LRRC39: variants seen among roughly 807,000 people sequenced by gnomAD.
The protein encoded by LRRC39 is leucine rich repeat containing 39.
LRRC39 carries 35 observed loss-of-function variants against 39.7 expected under a neutral mutation model. That is an observed-to-expected ratio of 0.88 (90% CI 0.67 to 1.17). The LOEUF (loss-of-function observed/expected upper bound fraction) is 1.17, where lower values mean the gene tolerates loss of function less well. LRRC39 is among the 50% of genes most tolerant of loss of function. The probability of loss-of-function intolerance (pLI) is 0.00; values close to 1 mark genes in which losing one functional copy is unlikely to be tolerated. For synonymous variants in LRRC39, 113 were observed against 134.1 expected, an observed-to-expected ratio of 0.84 and a Z score of 1.09; for missense variants, 357 against 385.8, an observed-to-expected ratio of 0.93 and a Z score of 0.62.
intron 3 of LRRC39, among the ~76,000 whole-genome samples, chr1:100,168,079 ATGT>A (rs1438604555): frequency 2.0e-5 from 3 of 152,014 alleles, no homozygotes; most frequent in Non-Finnish European, 4.4e-5. Flanking sequence ...CTACTGTCAA[ATGT>A]TGTTTTAGGT....
chr1:100,168,406 G>A lies in LRRC39; in HGVS notation c.111C>T (p.His37=). 1 of 1,595,524 alleles carries A rather than the reference G, an allele frequency of 6.3e-7. No individual in the cohort carries two copies. Among genetic ancestry groups the A allele is most frequent in the Non-Finnish European group, 8.6e-7 (1 of 1,168,664 alleles). The change falls in exon 3 of 10, where the codon CAC becomes CAT. Residue 37 remains histidine (H), a splice_region_variant and synonymous_variant. Transcript: ENST00000370137. ...EDLKREKEFQ[H]KLVRIWEERV... is the part of the protein sequence containing the mutation. The stretch of plus-strand genomic sequence containing the variant: ...ATAATAAATATGTTTTAGCATACTT[G>A]TGTTGAAATTCCTTCTCTCGCTTCA...
In LRRC39 at chr1:100,148,598, T is replaced by C. The variant is rs1193831232; in HGVS notation, c.*444A>G. The C allele has an allele frequency of 6.3e-7, 1 of 1,575,954 alleles. No individual in the cohort carries two copies. Among genetic ancestry groups the C allele is most frequent in the Non-Finnish European group, 8.6e-7 (1 of 1,165,906 alleles). ...ATAAACTTTTGCAAAATTTTAACAA[T>C]GTTTTGTGTGTGTTTATTCAATTTA... On this transcript the variant is annotated 3_prime_UTR_variant, in exon 10 of 10. Coordinates refer to ENST00000370137, the MANE Select transcript of LRRC39 (RefSeq NM_144620.4).
chr1:100,159,166 G>C (rs1339704360), intron 5 of LRRC39, 93 bp downstream of exon 5: 2 of 1,082,646 alleles, frequency 1.8e-6, no homozygotes, highest in Admixed American at 2.6e-5. Context: ...GCTGTATAAA[G>C]AGGTCTTTAT....
At position 100,162,183 on chromosome 1, in the gene LRRC39, A is replaced by G. The variant is rs545106140; in HGVS notation, c.114-1612T>C. Among the ~76,000 whole-genome samples, 177 of 152,302 alleles carry G rather than the reference A, an allele frequency of 1.2e-3. 1 individual carries two copies. Among genetic ancestry groups the G allele is most frequent in the Non-Finnish European group, 2.0e-3 (136 of 68,040 alleles). On this transcript the variant is annotated intron_variant, in intron 3 of 9. Transcript: ENST00000370137. Reference sequence around the variant, plus strand: ...TTAATAGACTTTGTAATGGCTTGCAAAGAATACAGTTCAACTTCAGAATTC... The same window carrying G: ...TTAATAGACTTTGTAATGGCTTGCAGAGAATACAGTTCAACTTCAGAATTC...
At position 100,156,254 on chromosome 1, in the gene LRRC39, G is replaced by C; in HGVS notation, c.577C>G (p.Leu193Val). 1 of 1,614,062 alleles carries C rather than the reference G, an allele frequency of 6.2e-7. No individual in the cohort carries two copies. The highest frequency in any genetic ancestry group is 1.3e-5 in the African/African-American group (1 of 75,062). The change falls in exon 7 of 10, where the codon CTT becomes GTT. Residue 193 changes from leucine to valine, a missense_variant. Physicochemically the swap from Leu to Val is conservative, Grantham distance 32 (BLOSUM62 1). Coordinates refer to ENST00000370137, the MANE Select transcript of LRRC39 (RefSeq NM_144620.4). ...LSMNDFTTIP[L>V]AVLNMPALEW... is the part of the protein sequence containing the mutation. Reference sequence around the variant, plus strand: ...AGGGCAGGCATGTTCAACACAGCAAGAGGGATTGTAGTAAAATCGTTCATA... The same window carrying C: ...AGGGCAGGCATGTTCAACACAGCAACAGGGATTGTAGTAAAATCGTTCATA...
chr1:100,159,408 G>A lies in LRRC39; in HGVS notation c.227C>T (p.Pro76Leu). Residue 76 changes from proline to leucine, a missense_variant, in exon 5 of 10, where the codon CCT (proline) becomes CTT (leucine). Pro to Leu is a moderately conservative substitution (Grantham distance 98). Coordinates refer to ENST00000370137, the MANE Select transcript of LRRC39 (RefSeq NM_144620.4). The part of the protein sequence containing the change: ...KIEKEEWKTL[P>L]SSLLKLNQLQ... ...TTGATTCAGTTTCAGCAGAGAAGAAGGGAGGGTCTACAGTAAAAGAAATGA... is the reference window on the plus strand; with the variant it reads ...TTGATTCAGTTTCAGCAGAGAAGAAAGGAGGGTCTACAGTAAAAGAAATGA... The A allele has an allele frequency of 1.2e-6, 2 of 1,605,490 alleles. No homozygotes were observed. Among genetic ancestry groups the A allele is most frequent in the Non-Finnish European group, 1.7e-6 (2 of 1,176,232 alleles).
In LRRC39 at chr1:100,148,933, T is replaced by G; in HGVS notation, c.*109A>C. 1 of 1,155,560 alleles carries G rather than the reference T, an allele frequency of 8.7e-7. No homozygotes were observed. Among genetic ancestry groups the G allele is most frequent in the Non-Finnish European group, 1.2e-6 (1 of 862,678 alleles). The allele number at this position is 1,155,560 out of a possible 1,614,324, so 71.6% of individuals were successfully genotyped here. A position where few individuals can be genotyped will look rare whatever the true frequency, so the allele number is the denominator to read the frequency against. Reference sequence around the variant, plus strand: ...AGCAAATAATATGAACTTTAAAAAATGCTGTGGCCTCATTAAACTTTGGTA... The same window carrying G: ...AGCAAATAATATGAACTTTAAAAAAGGCTGTGGCCTCATTAAACTTTGGTA... On this transcript the variant is annotated 3_prime_UTR_variant, in exon 10 of 10. Coordinates refer to ENST00000370137, the MANE Select transcript of LRRC39 (RefSeq NM_144620.4).
At chr1:100,177,339 A>G (rs1660034530) in intron 1 of LRRC39, among the ~76,000 whole-genome samples, 1 of 152,228 alleles carries the variant, frequency 6.6e-6, no homozygotes, top group African/African-American at 2.4e-5. Context: ...GATTTTTTAA[A>G]CTAATATTAT....
At position 100,168,488 on chromosome 1, in the gene LRRC39, G is replaced by T; in HGVS notation, c.29C>A (p.Ala10Asp). The change falls in exon 3 of 10, where the codon GCT becomes GAT. Residue 10 changes from alanine (A) to aspartate (D), a missense_variant. By Grantham distance (126) the Ala-to-Asp change is moderately radical (BLOSUM62 -2). Coordinates refer to ENST00000370137, the MANE Select transcript of LRRC39 (RefSeq NM_144620.4). MTENVVCTGAVNAVKEVWEK... is the reference protein window; with the variant it reads MTENVVCTGDVNAVKEVWEK... ...CCAAACTTCCTTTACAGCATTGACA[G>T]CCCCAGTACAAACCACATTTTCTGT... The T allele has an allele frequency of 6.2e-7, 1 of 1,611,810 alleles. No individual in the cohort carries two copies. The highest frequency in any genetic ancestry group is 8.5e-7 in the Non-Finnish European group (1 of 1,179,380).
intron 1 of LRRC39, among the ~76,000 whole-genome samples, chr1:100,176,096 T>C (rs1039133925): frequency 6.6e-6 from 1 of 152,154 alleles, no homozygotes; most frequent in Non-Finnish European, 1.5e-5. Context: ...CCAGCAATGT[T>C]TTACATGATA....
chr1:100,170,875 C>A (rs1308438391), intron 2 of LRRC39, among the ~76,000 whole-genome samples: 1 of 152,074 alleles, frequency 6.6e-6, no homozygotes, highest in Non-Finnish European at 1.5e-5. Context: ...CCATGTCTGG[C>A]TAATCAATTA....
intron 9 of LRRC39, among the ~76,000 whole-genome samples, chr1:100,151,436 A>G (rs1454052629): frequency 6.6e-6 from 1 of 152,186 alleles, no homozygotes; most frequent in Non-Finnish European, 1.5e-5. Context: ...ACCTTGCTGC[A>G]ATAAATCTAA....
intron 4 of LRRC39, among the ~76,000 whole-genome samples, chr1:100,160,250 T>G (rs1443583111): frequency 2.0e-5 from 3 of 152,170 alleles, no homozygotes; most frequent in Admixed American, 2.0e-4. Flanking sequence ...TCACAAATGA[T>G]TTAGGTTTAG....
At chr1:100,155,971 T>A (rs1326932577) in intron 7 of LRRC39, among the ~76,000 whole-genome samples, 3 of 152,192 alleles carry the variant, frequency 2.0e-5, no homozygotes, top group Non-Finnish European at 1.5e-5. Context: ...GTGGATCACT[T>A]GAAAAAAGCC....
At chr1:100,151,092 G>A (rs1019447253) in intron 9 of LRRC39, among the ~76,000 whole-genome samples, 1 of 130,610 alleles carries the variant, frequency 7.7e-6, no homozygotes, top group Non-Finnish European at 1.5e-5. Flanking sequence ...TTGCACCATT[G>A]CACTCTAGCC....
chr1:100,165,835 T>G (rs1659195782), intron 3 of LRRC39, among the ~76,000 whole-genome samples: 1 of 151,310 alleles, frequency 6.6e-6, no homozygotes, highest in Admixed American at 6.6e-5. Context: ...TCATTCTCTC[T>G]CCCAAGATCT....
In LRRC39 at chr1:100,160,750, G is replaced by A. The variant is rs191211962; in HGVS notation, c.114-179C>T. ...AGTGATTCTCCTGCCTCAGACTCCC[G>A]AGTAGCCAGGATTACAGGCGTCCAC... On this transcript the variant is annotated intron_variant, in intron 3 of 9. Transcript: ENST00000370137. Among the ~76,000 whole-genome samples, 284 of 149,178 alleles carry A rather than the reference G, an allele frequency of 1.9e-3. 2 individuals carry two copies. Among genetic ancestry groups the A allele is most frequent in the Non-Finnish European group, 3.3e-4 (22 of 67,500 alleles).
intron 9 of LRRC39, chr1:100,150,520 A>ATTCTTGGGTGTGT (rs1657886719): frequency 2.6e-5 from 4 of 152,330 alleles, no homozygotes; most frequent in Middle Eastern, 3.4e-3. Context: ...ATGTTTGATA[A>ATTCTTGGGTGTGT]AATATACATA....
At chr1:100,177,540 A>G (rs1660048943) in intron 1 of LRRC39, among the ~76,000 whole-genome samples, 2 of 152,248 alleles carry the variant, frequency 1.3e-5, no homozygotes, top group African/African-American at 4.8e-5. Context: ...CTTGGGATAC[A>G]TACACTGGTA....
Sources: gnomAD v4.1 joint callset for allele counts (sites outside exome capture counted in the v4.1 genomes callset) on GRCh38, gnomAD v4.1.1 for gene constraint, MANE v1.5 for transcripts, NCBI Gene and HGNC (gene_info 2026-07-23, HGNC 2026-07-21) for gene names.